RDH10: variants seen among roughly 807,000 people sequenced by gnomAD.
The protein encoded by RDH10 is retinol dehydrogenase 10.
Under a neutral mutation model 30.2 loss-of-function variants are expected in RDH10, and 12 were observed. The observed-to-expected ratio is 0.40, with a 90% CI of 0.25 to 0.64. RDH10 has a LOEUF of 0.64. Among genes scored for constraint, RDH10 ranks in the 30% least tolerant of loss-of-function variants. The probability of loss-of-function intolerance (pLI) is 0.43; values close to 1 mark genes in which losing one functional copy is unlikely to be tolerated. For missense variants in RDH10, 268 were observed against 445.2 expected (o/e 0.60, Z 3.58); for synonymous variants, 189 against 172.2 (o/e 1.10, Z -0.76).
intron 2 of RDH10, among the ~76,000 whole-genome samples, chr8:73,308,205 G>A (rs2130366498): frequency 6.6e-6 from 1 of 152,222 alleles, no homozygotes; most frequent in South Asian, 2.1e-4. Context: ...AGTTAAGTGT[G>A]GTTTTAGTTT....
intron 2 of RDH10, among the ~76,000 whole-genome samples, chr8:73,301,505 C>G (rs1054309895): frequency 1.3e-5 from 2 of 151,874 alleles, no homozygotes; most frequent in Non-Finnish European, 2.9e-5. Context: ...CACCTGTAAT[C>G]CCAGCACTTT....
intron 2 of RDH10, among the ~76,000 whole-genome samples, chr8:73,317,603 A>T (rs1814695418): frequency 1.3e-5 from 2 of 152,164 alleles, no homozygotes; most frequent in Admixed American, 1.3e-4. Context: ...TGCTGTTTTC[A>T]ATCTTTACAC....
Position 73,321,757 on chromosome 8 carries a change from T to C in RDH10, c.770+680T>C, listed in dbSNP as rs994776895. The C allele has an allele frequency of 6.6e-6, 3 of 452,506 alleles. No homozygotes were observed. In the East Asian group the frequency reaches 2.1e-4, roughly 32 times the overall value. 28.0% of individuals were successfully genotyped at this position (452,506 alleles called of 1,614,324 possible). On this transcript the variant is annotated intron_variant, in intron 4 of 5. Coordinates refer to ENST00000240285, the MANE Select transcript of RDH10 (RefSeq NM_172037.5). ...ATGCTTACTTTTATCTTTGCTTGGG[T>C]GAGTTTGAAAGGCAAAGGAAGATAA...
At chr8:73,304,597 G>T (rs1347434374) in intron 2 of RDH10, among the ~76,000 whole-genome samples, 1 of 152,102 alleles carries the variant, frequency 6.6e-6, no homozygotes, top group Non-Finnish European at 1.5e-5. Context: ...TGCTTTTCCA[G>T]GTCAGCACCT....
chr8:73,303,701 G>A (rs1188309766), intron 2 of RDH10, among the ~76,000 whole-genome samples: 1 of 152,128 alleles, frequency 6.6e-6, no homozygotes, highest in Non-Finnish European at 1.5e-5. Context: ...CATCTCTTTT[G>A]ATAGGAACTG....
chr8:73,299,797 C>T (rs1323936262), intron 2 of RDH10, among the ~76,000 whole-genome samples: 2 of 152,184 alleles, frequency 1.3e-5, no homozygotes, highest in Non-Finnish European at 2.9e-5. Flanking sequence ...AAGAAACCAG[C>T]TCCAGGAAGA....
rs1212769266 is a variant in RDH10 at position 73,320,445 on chromosome 8, TTTTTTG to T, written c.625-457_625-452del. Among the ~76,000 whole-genome samples the T allele has an allele frequency of 1.5e-3, 224 of 146,442 alleles. 4 individuals carry two copies. The East Asian group carries it at 0.035, about 23-fold the overall frequency. Reference sequence around the variant, plus strand: ...ACATCAGGTATCTGGTTTGTGTTTTTTTTTTGTTTTTGTTTTTGTTTTTGTTTTTGT... The same window carrying T: ...ACATCAGGTATCTGGTTTGTGTTTTTTTTTTGTTTTTGTTTTTGTTTTTGT... On this transcript the variant is annotated intron_variant, in intron 3 of 5. Coordinates refer to ENST00000240285, the MANE Select transcript of RDH10 (RefSeq NM_172037.5).
rs1015475581 is a variant in RDH10 at position 73,294,969 on chromosome 8, GT to G, written c.-320del. Reference sequence around the variant, plus strand: ...AGTTCGAGTAGTCTAACTCGCGGCTGTCACCGCCACTGCAGCGGAGCCGGCC... The same window carrying G: ...AGTTCGAGTAGTCTAACTCGCGGCTGCACCGCCACTGCAGCGGAGCCGGCC... On this transcript the variant is annotated 5_prime_UTR_variant, in exon 1 of 6. Transcript: ENST00000240285. 6 of 390,592 alleles carry G rather than the reference GT, an allele frequency of 1.5e-5. No individual in the cohort carries two copies. The highest frequency in any genetic ancestry group is 1.2e-4 in the African/African-American group (6 of 48,132). 24.2% of individuals were successfully genotyped at this position (390,592 alleles called of 1,614,324 possible).
chr8:73,315,720 G>C, intron 2 of RDH10: 1 of 330,152 alleles, frequency 3.0e-6, no homozygotes, highest in South Asian at 2.4e-5. Flanking sequence ...GGACACGTGA[G>C]TGAGTGATTC....
chr8:73,320,582 T>C (rs1814753843), intron 3 of RDH10, among the ~76,000 whole-genome samples: 1 of 151,682 alleles, frequency 6.6e-6, no homozygotes, highest in Non-Finnish European at 1.5e-5. Flanking sequence ...GCAATTCTCC[T>C]GCCTCAGCCT....
At chr8:73,298,797 C>T (rs1466188756) in intron 2 of RDH10, among the ~76,000 whole-genome samples, 1 of 152,126 alleles carries the variant, frequency 6.6e-6, no homozygotes, top group South Asian at 2.1e-4. Flanking sequence ...AAAGTGCTGG[C>T]GTGAGCCACC....
In RDH10 at chr8:73,295,275, GC is replaced by G; in HGVS notation, c.-11del. Reference sequence around the variant, plus strand: ...GACGCAGGCACTGGGCTCGTGCGGGGCCCCGGGCGTCGCGATGAACATCGTG... The same window carrying G: ...GACGCAGGCACTGGGCTCGTGCGGGGCCCGGGCGTCGCGATGAACATCGTG... On this transcript the variant is annotated 5_prime_UTR_variant, in exon 1 of 6. Coordinates refer to ENST00000240285, the MANE Select transcript of RDH10 (RefSeq NM_172037.5). 6.5e-7 allele frequency: 1 copy of G among 1,549,558 alleles called. No individual in the cohort carries two copies. The highest frequency in any genetic ancestry group is 1.4e-5 in the African/African-American group (1 of 71,580).
chr8:73,296,299 A>G (rs1282553733), intron 1 of RDH10, among the ~76,000 whole-genome samples: 1 of 152,096 alleles, frequency 6.6e-6, no homozygotes, highest in Admixed American at 6.5e-5. Flanking sequence ...TTGGTTCAGG[A>G]AATTTGATAA....
At chr8:73,302,589 G>A (rs1373561889) in intron 2 of RDH10, among the ~76,000 whole-genome samples, 1 of 152,210 alleles carries the variant, frequency 6.6e-6, no homozygotes, top group Admixed American at 6.5e-5. Context: ...GGAGGCTGAG[G>A]CAGGAGGCTG....
Position 73,294,720 on chromosome 8 carries a change from G to A in RDH10, c.-570G>A, listed in dbSNP as rs906493154. On this transcript the variant is annotated 5_prime_UTR_variant, in exon 1 of 6. Transcript: ENST00000240285. ...GCGAGCCCTCGGGGGCAGCTGCAAG[G>A]CGTTGGGCAGCGCTTGCCTGCGCCG... 2.7e-6 allele frequency: 1 copy of A among 370,094 alleles called. No homozygotes were observed. The highest frequency in any genetic ancestry group is 2.1e-5 in the African/African-American group (1 of 47,300). The allele number at this position is 370,094 out of a possible 1,614,324, so 22.9% of individuals were successfully genotyped here.
intron 2 of RDH10, among the ~76,000 whole-genome samples, chr8:73,300,910 A>G (rs1000003715): frequency 2.0e-5 from 3 of 152,180 alleles, no homozygotes; most frequent in Non-Finnish European, 4.4e-5. Flanking sequence ...TGACTCATCT[A>G]AGGTTTTTCT....
At chr8:73,321,952 CTGTG>C (rs1324406350) in intron 4 of RDH10, 2 of 456,194 alleles carry the variant, frequency 4.4e-6, no homozygotes, top group South Asian at 3.1e-5. Context: ...ATGTGTGTGT[CTGTG>C]TGAACATGTG....
chr8:73,316,158 A>C (rs1301776211), intron 2 of RDH10, among the ~76,000 whole-genome samples: 1 of 152,130 alleles, frequency 6.6e-6, no homozygotes, highest in Non-Finnish European at 1.5e-5. Context: ...TTGAGACTAC[A>C]GGCACACACC....
rs1489180505 is a variant in RDH10, at chr8:73,323,194, G to A, written c.*158G>A. The A allele has an allele frequency of 1.6e-5, 10 of 612,364 alleles. 1 individual carries two copies. The highest frequency in any genetic ancestry group is 2.8e-5 in the Non-Finnish European group (10 of 361,978). The allele number at this position is 612,364 out of a possible 1,614,324, so 37.9% of individuals were successfully genotyped here. A position where few individuals can be genotyped will look rare whatever the true frequency, so the allele number is the denominator to read the frequency against. ...AAATAAAGTGTAAATTAACCGACTA[G>A]AGTACTTGGAAAATGTGATCAGTAC... is the stretch of plus-strand genomic sequence containing the variant. On this transcript the variant is annotated 3_prime_UTR_variant, in exon 6 of 6. Coordinates refer to ENST00000240285, the MANE Select transcript of RDH10 (RefSeq NM_172037.5).
Sources: allele counts gnomAD v4.1 joint callset (sites outside exome capture counted in the v4.1 genomes callset), GRCh38; gene constraint gnomAD v4.1.1; transcripts MANE v1.5; gene names NCBI Gene and HGNC (gene_info 2026-07-23, HGNC 2026-07-21).